The following ADGRB3 variants were observed in gnomAD, a reference collection of about 807,000 sequenced individuals.
ADGRB3 encodes the protein adhesion G protein-coupled receptor B3.
In ADGRB3, 37 loss-of-function variants were observed where a neutral mutation model predicts 193.4. That is an observed-to-expected ratio of 0.19 (90% CI 0.15 to 0.25). The LOEUF (loss-of-function observed/expected upper bound fraction) is 0.25. Ranked by LOEUF, ADGRB3 falls within the 10% of genes least tolerant of loss-of-function variation. ADGRB3 has a pLI of 1.00. For missense variants in ADGRB3, 1,637 were observed against 1,852.9 expected, an observed-to-expected ratio of 0.88 and a Z score of 2.14; for synonymous variants, 690 against 644.2, an observed-to-expected ratio of 1.07 and a Z score of -1.08.
chr6:69,255,529 T>C (rs1289836783), intron 20 of ADGRB3, among the ~76,000 whole-genome samples: 10 of 152,214 alleles, frequency 6.6e-5, no homozygotes, highest in Admixed American at 4.6e-4. Context: ...TCATGTCCTT[T>C]GCCCACTTTT....
intron 3 of ADGRB3, among the ~76,000 whole-genome samples, chr6:68,840,976 C>T (rs1253728055): frequency 1.3e-5 from 2 of 152,026 alleles, no homozygotes; most frequent in African/African-American, 2.4e-5. Context: ...AAGTAGATTT[C>T]AAGACAAAAG....
chr6:69,389,058 G>GT lies in ADGRB3; in HGVS notation c.*168dup. On this transcript the variant is annotated 3_prime_UTR_variant, in exon 32 of 32. Coordinates refer to ENST00000370598, the MANE Select transcript of ADGRB3 (RefSeq NM_001704.3). ...TGGTAACTTCTCACTAGTCAGGCTAGTGGAGAGATGACCAGGTGTACAGTT... is the reference window on the plus strand; with the variant it reads ...TGGTAACTTCTCACTAGTCAGGCTAGTTGGAGAGATGACCAGGTGTACAGTT... 1.6e-6 allele frequency: 1 copy of GT among 626,030 alleles called. No homozygotes were observed. 38.8% of individuals were successfully genotyped at this position (626,030 alleles called of 1,614,324 possible). A position where few individuals can be genotyped will look rare whatever the true frequency, so the allele number is the denominator to read the frequency against.
chr6:68,667,562 A>G (rs1308104866), intron 3 of ADGRB3, among the ~76,000 whole-genome samples: 1 of 152,002 alleles, frequency 6.6e-6, no homozygotes, highest in Non-Finnish European at 1.5e-5. Context: ...TTACATCAGT[A>G]TAATAAATAG....
At chr6:68,862,265 C>T (rs1765177652) in intron 3 of ADGRB3, among the ~76,000 whole-genome samples, 1 of 151,972 alleles carries the variant, frequency 6.6e-6, no homozygotes, top group Non-Finnish European at 1.5e-5. Context: ...TTGATGTAGT[C>T]AAAAGTTGTG....
intron 3 of ADGRB3, among the ~76,000 whole-genome samples, chr6:68,830,819 A>T (rs1767937351): frequency 6.6e-6 from 1 of 152,022 alleles, no homozygotes; most frequent in Admixed American, 6.6e-5. Flanking sequence ...TGGGTCAGGG[A>T]GTGGGGAGGG....
intron 15 of ADGRB3, among the ~76,000 whole-genome samples, chr6:69,052,565 C>T (rs756753166): frequency 7.9e-5 from 12 of 152,118 alleles, no homozygotes; most frequent in Admixed American, 4.6e-4. Context: ...TAATTTTTCT[C>T]ATAGAGACTA....
chr6:69,299,415 T>C (rs936159217), intron 20 of ADGRB3, among the ~76,000 whole-genome samples: 6 of 151,944 alleles, frequency 3.9e-5, no homozygotes, highest in African/African-American at 1.4e-4. Flanking sequence ...CTTGATGTTA[T>C]CCCATTTGTC....
intron 16 of ADGRB3, 23 bp downstream of exon 16, chr6:69,063,059 T>C (rs1416315260): frequency 6.5e-7 from 1 of 1,535,516 alleles, no homozygotes; most frequent in Non-Finnish European, 9.0e-7. Context: ...CACTGGGCAC[T>C]GACTTGCTTA....
intron 15 of ADGRB3, among the ~76,000 whole-genome samples, chr6:69,057,799 A>G (rs891658908): frequency 6.6e-6 from 1 of 152,066 alleles, no homozygotes; most frequent in Non-Finnish European, 1.5e-5. Flanking sequence ...GTCATGATAT[A>G]TAAACTTTTT....
chr6:68,841,914 G>T (rs887192796), intron 3 of ADGRB3, among the ~76,000 whole-genome samples: 1 of 149,492 alleles, frequency 6.7e-6, no homozygotes, highest in African/African-American at 2.4e-5. Context: ...TGCTTAATTG[G>T]TACAAAAAAT....
chr6:69,363,320 A>ATGAATT (rs1769492147), intron 29 of ADGRB3, among the ~76,000 whole-genome samples: 1 of 152,022 alleles, frequency 6.6e-6, no homozygotes, highest in African/African-American at 2.4e-5. Flanking sequence ...CATTCTTTAA[A>ATGAATT]TGAATTTAAT....
chr6:68,638,619 T>C (rs377549306), intron 2 of ADGRB3, 42 bp from the exon 3 acceptor site: 2 of 1,529,964 alleles, frequency 1.3e-6, no homozygotes, highest in East Asian at 2.3e-5. Flanking sequence ...TCAATGCACG[T>C]AGACTCCTAC....
intron 30 of ADGRB3, among the ~76,000 whole-genome samples, chr6:69,379,269 A>G (rs1331887995): frequency 6.6e-6 from 1 of 151,992 alleles, no homozygotes; most frequent in Non-Finnish European, 1.5e-5. Flanking sequence ...TGAAAACTCA[A>G]TTCTAAGTTC....
chr6:69,385,466 T>G (rs1312731664), intron 31 of ADGRB3, among the ~76,000 whole-genome samples: 1 of 152,038 alleles, frequency 6.6e-6, no homozygotes, highest in Non-Finnish European at 1.5e-5. Context: ...CCCTGCCATA[T>G]TTTTGGGTGG....
intron 3 of ADGRB3, among the ~76,000 whole-genome samples, chr6:68,885,586 T>C (rs901980079): frequency 2.0e-5 from 3 of 152,164 alleles, no homozygotes; most frequent in Non-Finnish European, 2.9e-5. Flanking sequence ...AAATGCTGCA[T>C]GATCTCACTT....
chr6:68,786,458 A>G (rs1465504372), intron 3 of ADGRB3, among the ~76,000 whole-genome samples: 1 of 151,994 alleles, frequency 6.6e-6, no homozygotes, highest in Non-Finnish European at 1.5e-5. Context: ...AAGATCAGAT[A>G]GTTGTAGATA....
intron 3 of ADGRB3, among the ~76,000 whole-genome samples, chr6:68,705,675 C>T (rs1254437285): frequency 1.3e-5 from 2 of 152,220 alleles, no homozygotes; most frequent in Middle Eastern, 3.4e-3. Flanking sequence ...ATCTGAGATA[C>T]GGAAACATTC....
At chr6:68,943,729 CATTTGTCTATTTAATGAGTTTTGCTT>C in intron 5 of ADGRB3, 75 bp from the exon 6 acceptor site, 1 of 954,752 alleles carries the variant, frequency 1.0e-6, no homozygotes, top group East Asian at 2.7e-5. Context: ...CATATCTTTA[CATTTGTCTATTTAATGAGTTTTGCTT>C]TTTAATTATA....
chr6:69,107,256 G>A (rs1305143413), intron 17 of ADGRB3, among the ~76,000 whole-genome samples: 1 of 152,034 alleles, frequency 6.6e-6, no homozygotes, highest in Non-Finnish European at 1.5e-5. Context: ...ATGTATATGT[G>A]CAAGAGATTT....
Sources: gnomAD v4.1 joint callset for allele counts (sites outside exome capture counted in the v4.1 genomes callset) on GRCh38, gnomAD v4.1.1 for gene constraint, MANE v1.5 for transcripts, NCBI Gene and HGNC (gene_info 2026-07-23, HGNC 2026-07-21) for gene names.